The following CELF4 variants were observed in gnomAD, a reference collection of about 807,000 sequenced individuals.
The protein encoded by CELF4 is CUG-BP- and ETR-3-like factor 4.
A neutral mutation model predicts 59.9 loss-of-function variants in CELF4; 18 were observed. The observed-to-expected ratio is 0.30, with a 90% CI of 0.21 to 0.45. The LOEUF (loss-of-function observed/expected upper bound fraction) is 0.45. CELF4 is among the 20% of genes least tolerant of loss of function. CELF4 has a pLI of 1.00. For missense variants in CELF4, 456 were observed against 689.0 expected, an observed-to-expected ratio of 0.66 and a Z score of 3.79; for synonymous variants, 261 against 267.1, an observed-to-expected ratio of 0.98 and a Z score of 0.22.
chr18:37,259,301 ATGGCAGGGT>A (rs1293395452), intron 10 of CELF4, 37 bp from the exon 11 acceptor site: 4 of 191,354 alleles, frequency 2.1e-5, no homozygotes, highest in East Asian at 9.1e-5. Context: ...GGGAGGAGGG[ATGGCAGGGT>A]GGGGGAAGAG....
intron 2 of CELF4, among the ~76,000 whole-genome samples, chr18:37,392,016 A>T (rs671355): frequency 3.3e-5 from 5 of 151,636 alleles, no homozygotes; most frequent in Admixed American, 6.6e-5. Flanking sequence ...GTAAACCATA[A>T]TGCCTGCAAC....
At chr18:37,255,907 G>C (rs948436) in intron 11 of CELF4, among the ~76,000 whole-genome samples, 21,076 of 152,240 alleles carry the variant, frequency 0.14, 3,671 homozygotes, top group African/African-American at 0.41. Context: ...GGGGAGGGCA[G>C]AGAGGAAGTT....
chr18:37,485,613 G>A lies in CELF4; in HGVS notation c.287-6C>T, dbSNP rs755349569. 3.5e-6 allele frequency: 5 copies of A among 1,443,838 alleles called. No homozygotes were observed. In the East Asian group the frequency reaches 1.1e-4, roughly 32 times the overall value. The allele number at this position is 1,443,838 out of a possible 1,614,324, so 89.4% of individuals were successfully genotyped here. ...GTAGGTGAGGAAGGCGCAGCCTGGG[G>A]AGGAAAGCAAGCGCCAAGAAGGGTC... On this transcript the variant is annotated splice_region_variant and splice_polypyrimidine_tract_variant and intron_variant, in intron 1 of 12. Coordinates refer to ENST00000420428, the MANE Select transcript of CELF4 (RefSeq NM_020180.4).
chr18:37,327,898 C>T (rs1389107167), intron 2 of CELF4, among the ~76,000 whole-genome samples: 1 of 152,216 alleles, frequency 6.6e-6, no homozygotes, highest in African/African-American at 2.4e-5. Context: ...CTCATTGCAC[C>T]CAAACCCTCC....
chr18:37,525,038 T>C (rs1174079070), intron 1 of CELF4, among the ~76,000 whole-genome samples: 9 of 152,168 alleles, frequency 5.9e-5, no homozygotes, highest in African/African-American at 9.6e-5. Flanking sequence ...TAACCACCTC[T>C]CTTTCCTAGG....
chr18:37,320,101 G>A (rs1267373868), intron 3 of CELF4, among the ~76,000 whole-genome samples: 1 of 151,870 alleles, frequency 6.6e-6, no homozygotes, highest in East Asian at 1.9e-4. Context: ...ACTTTGGGAG[G>A]CCGAGGCGGG....
chr18:37,463,950 C>CCTGT (rs947306638), intron 2 of CELF4, among the ~76,000 whole-genome samples: 6 of 152,150 alleles, frequency 3.9e-5, no homozygotes, highest in Admixed American at 1.3e-4. Flanking sequence ...ATGGCGCCCT[C>CCTGT]CTGTCCCCTC....
chr18:37,328,209 TA>T (rs1403077681), intron 2 of CELF4, among the ~76,000 whole-genome samples: 2 of 152,192 alleles, frequency 1.3e-5, no homozygotes, highest in Non-Finnish European at 2.9e-5. Context: ...ACAGACATCC[TA>T]AAAGAATTCA....
intron 1 of CELF4, among the ~76,000 whole-genome samples, chr18:37,531,998 G>A (rs1001593236): frequency 6.6e-6 from 1 of 152,164 alleles, no homozygotes; most frequent in Non-Finnish European, 1.5e-5. Flanking sequence ...CCTGTCCATC[G>A]CCTATGGCGC....
At chr18:37,523,832 G>A (rs1020460802) in intron 1 of CELF4, among the ~76,000 whole-genome samples, 2 of 148,958 alleles carry the variant, frequency 1.3e-5, no homozygotes, top group Admixed American at 6.6e-5. Flanking sequence ...TCAGTTTACA[G>A]TTAATCAGTC....
At chr18:37,278,120 C>G (rs2154373296) in intron 3 of CELF4, among the ~76,000 whole-genome samples, 1 of 152,000 alleles carries the variant, frequency 6.6e-6, no homozygotes, top group African/African-American at 2.4e-5. Context: ...ATTCCTCGTT[C>G]CCCTCCCCTG....
chr18:37,343,756 C>T (rs17653567), intron 2 of CELF4, among the ~76,000 whole-genome samples: 7,915 of 152,080 alleles, frequency 0.052, 241 homozygotes, highest in Middle Eastern at 0.11. Context: ...CCGTGCCCTG[C>T]GAACCTTGGC....
At chr18:37,481,953 G>C (rs2099868565) in intron 2 of CELF4, among the ~76,000 whole-genome samples, 1 of 152,230 alleles carries the variant, frequency 6.6e-6, no homozygotes, top group Admixed American at 6.5e-5. Context: ...TCATAGCGTA[G>C]TTTTGAAGAT....
chr18:37,270,871 G>A lies in CELF4; in HGVS notation c.996C>T (p.Ile332=). ...AGCCATTCACCCCAATGGGGGATGG[G>A]ATGCTAGGCACGGCTGGTGCAGTGA... The part of the protein sequence containing the change: ...PGITAPAVPS[I]PSPIGVNGFT... The change falls in exon 8 of 13, where the codon ATC becomes ATT. Residue 332 remains isoleucine (I), a synonymous_variant. Coordinates refer to ENST00000420428, the MANE Select transcript of CELF4 (RefSeq NM_020180.4). 6.2e-7 allele frequency: 1 copy of A among 1,613,504 alleles called. No homozygotes were observed. The highest frequency in any genetic ancestry group is 8.5e-7 in the Non-Finnish European group (1 of 1,179,856).
chr18:37,415,876 C>A (rs560692396), intron 2 of CELF4, among the ~76,000 whole-genome samples: 55 of 152,332 alleles, frequency 3.6e-4, no homozygotes, highest in Non-Finnish European at 5.7e-4. Flanking sequence ...ACCACGACTA[C>A]TGCAATATTA....
intron 3 of CELF4, among the ~76,000 whole-genome samples, chr18:37,309,804 C>T (rs1569556012): frequency 6.6e-6 from 1 of 150,476 alleles, no homozygotes; most frequent in Non-Finnish European, 1.5e-5. Context: ...ACCATTTCTT[C>T]ATTACTTTGA....
intron 2 of CELF4, among the ~76,000 whole-genome samples, chr18:37,370,588 C>T: frequency 6.6e-6 from 1 of 152,184 alleles, no homozygotes; most frequent in Non-Finnish European, 1.5e-5. Context: ...GCCACATACT[C>T]CTTGCACAGC....
rs1224694453 is a variant in CELF4, at chr18:37,388,358, C to A, written c.370-66477G>T. On this transcript the variant is annotated intron_variant, in intron 2 of 12. Coordinates refer to ENST00000420428, the MANE Select transcript of CELF4 (RefSeq NM_020180.4). ...ACTCTGACGCTTCCTCCTTTCCCAGCTCCTCCTCTGTCTCCCTCTGCCCTT... is the reference window on the plus strand; with the variant it reads ...ACTCTGACGCTTCCTCCTTTCCCAGATCCTCCTCTGTCTCCCTCTGCCCTT... Among the ~76,000 whole-genome samples the A allele has an allele frequency of 3.3e-5, 5 of 151,996 alleles. No individual in the cohort carries two copies. The East Asian group carries it at 9.7e-4, about 29-fold the overall frequency.
intron 1 of CELF4, among the ~76,000 whole-genome samples, chr18:37,561,169 C>T (rs755207531): frequency 1.1e-4 from 17 of 152,224 alleles, no homozygotes; most frequent in Non-Finnish European, 1.9e-4. Flanking sequence ...GCAGCTGTGG[C>T]TCCTGGGCTG....
Sources: allele counts gnomAD v4.1 joint callset (sites outside exome capture counted in the v4.1 genomes callset), GRCh38; gene constraint gnomAD v4.1.1; transcripts MANE v1.5; gene names NCBI Gene and HGNC (gene_info 2026-07-23, HGNC 2026-07-21).